The following LRMDA variants were observed in gnomAD, a reference collection of about 807,000 sequenced individuals.
LRMDA encodes the protein leucine-rich melanocyte differentiation-associated protein.
Under a neutral mutation model 29.8 loss-of-function variants are expected in LRMDA, and 18 were observed. That is an observed-to-expected ratio of 0.60 (90% CI 0.42 to 0.90). LRMDA has a LOEUF of 0.90. Ranked by LOEUF, LRMDA falls within the 40% of genes least tolerant of loss-of-function variation. The probability of loss-of-function intolerance (pLI) is 0.00; values close to 1 mark genes in which losing one functional copy is unlikely to be tolerated. For missense variants in LRMDA, 273 were observed against 273.9 expected (o/e 1.00, Z 0.02); for synonymous variants, 125 against 109.4 (o/e 1.14, Z -0.89).
rs1341926856 is a variant in LRMDA at position 75,855,697 on chromosome 10, A to G, written c.132-180311A>G. ...TTCTTCTAGGGTTTTTATGGTTTTA[A>G]GTCTAACATTTAAGTCTTTAATCCA... On this transcript the variant is annotated intron_variant, in intron 2 of 6. Transcript: ENST00000611255. Among the ~76,000 whole-genome samples, 68 of 152,110 alleles carry G rather than the reference A, an allele frequency of 4.5e-4. 2 individuals carry two copies. The highest frequency in any genetic ancestry group is 7.2e-5 in the African/African-American group (3 of 41,422).
chr10:76,547,471 G>T (rs911721437), intron 6 of LRMDA, among the ~76,000 whole-genome samples: 2 of 152,036 alleles, frequency 1.3e-5, no homozygotes, highest in African/African-American at 4.8e-5. Context: ...TGGCTATAAT[G>T]GCTCTCCCTG....
chr10:76,149,194 CA>C (rs1850391507), intron 5 of LRMDA, among the ~76,000 whole-genome samples: 1 of 152,134 alleles, frequency 6.6e-6, no homozygotes. Flanking sequence ...TTTGCACTAA[CA>C]AAGCAGTAGA....
intron 2 of LRMDA, among the ~76,000 whole-genome samples, chr10:75,530,465 A>C (rs1845464275): frequency 6.6e-6 from 1 of 152,190 alleles, no homozygotes; most frequent in Non-Finnish European, 1.5e-5. Context: ...AGTCCTTCCC[A>C]GAATGGAGGG....
Position 75,431,682 on chromosome 10 carries a change from G to GA in LRMDA, c.-43_-42insA, listed in dbSNP as rs1844196847. On this transcript the variant is annotated 5_prime_UTR_variant, in exon 1 of 7. Transcript: ENST00000611255. ...CCGCGCTCCCCGCTGCTGCCGCCGC[G>GA]CCCCCGCGCTCCGTCCCGCGCGCCC... 7 of 1,266,222 alleles carry GA rather than the reference G, an allele frequency of 5.5e-6. No individual in the cohort carries two copies. The highest frequency in any genetic ancestry group is 1.6e-5 in the African/African-American group (1 of 64,004). The allele number at this position is 1,266,222 out of a possible 1,614,324, so 78.4% of individuals were successfully genotyped here. A position where few individuals can be genotyped will look rare whatever the true frequency, so the allele number is the denominator to read the frequency against.
At chr10:75,792,993 G>A (rs890543233) in intron 2 of LRMDA, among the ~76,000 whole-genome samples, 8 of 152,194 alleles carry the variant, frequency 5.3e-5, no homozygotes, top group African/African-American at 1.7e-4. Flanking sequence ...TAGCAAGCTC[G>A]TGGTCACGGA....
At chr10:75,616,282 C>CAGT (rs981273326) in intron 2 of LRMDA, among the ~76,000 whole-genome samples, 19 of 151,078 alleles carry the variant, frequency 1.3e-4, no homozygotes, top group Middle Eastern at 3.5e-3. Context: ...GCAGCAGCAG[C>CAGT]AGTAGTAGTA....
At position 75,779,439 on chromosome 10, in the gene LRMDA, G is replaced by A. The variant is rs1012279822; in HGVS notation, c.132-256569G>A. ...GTCCAAGCCAAGCAAAGCTCTGGGA[G>A]AAATTCCTGGGACATTCAGCAAGAG... is the stretch of plus-strand genomic sequence containing the variant. On this transcript the variant is annotated intron_variant, in intron 2 of 6. Coordinates refer to ENST00000611255, the MANE Select transcript of LRMDA (RefSeq NM_001305581.2). Among the ~76,000 whole-genome samples the A allele has an allele frequency of 3.9e-5, 6 of 152,290 alleles. No homozygotes were observed. The South Asian group carries it at 1.0e-3, about 26-fold the overall frequency.
intron 2 of LRMDA, among the ~76,000 whole-genome samples, chr10:75,802,585 T>C (rs574824067): frequency 6.6e-6 from 1 of 152,286 alleles, no homozygotes; most frequent in African/African-American, 2.4e-5. Context: ...TTGGTAGAGT[T>C]GCTTTATCAT....
chr10:75,822,399 C>A (rs1021861071), intron 2 of LRMDA, among the ~76,000 whole-genome samples: 10 of 152,078 alleles, frequency 6.6e-5, no homozygotes, highest in African/African-American at 2.4e-4. Flanking sequence ...CCAAAGCAAT[C>A]TATAGATTCA....
chr10:75,687,270 A>C (rs1842094135), intron 2 of LRMDA, among the ~76,000 whole-genome samples: 1 of 152,250 alleles, frequency 6.6e-6, no homozygotes, highest in Non-Finnish European at 1.5e-5. Context: ...CCAACTGGTT[A>C]GTCAAGTTGT....
chr10:75,627,593 G>T (rs998349769), intron 2 of LRMDA, among the ~76,000 whole-genome samples: 2 of 152,158 alleles, frequency 1.3e-5, no homozygotes, highest in African/African-American at 4.8e-5. Context: ...ACAAAAGGCA[G>T]AGGGCCTCAG....
intron 2 of LRMDA, among the ~76,000 whole-genome samples, chr10:75,474,536 G>C (rs533488925): frequency 6.6e-6 from 1 of 152,166 alleles, no homozygotes; most frequent in African/African-American, 2.4e-5. Context: ...CCATCATCTC[G>C]AGGGTGAGGA....
At chr10:76,538,573 C>CAT (rs1268457019) in intron 6 of LRMDA, among the ~76,000 whole-genome samples, 1 of 143,678 alleles carries the variant, frequency 7.0e-6, no homozygotes, top group South Asian at 2.1e-4. Context: ...CACACACACA[C>CAT]ATATACAGTA....
chr10:76,488,345 C>T (rs1478621088), intron 6 of LRMDA, among the ~76,000 whole-genome samples: 1 of 151,854 alleles, frequency 6.6e-6, no homozygotes, highest in Non-Finnish European at 1.5e-5. Context: ...CTGTCTGCCT[C>T]TGCCTCTGAG....
intron 6 of LRMDA, among the ~76,000 whole-genome samples, chr10:76,524,549 T>G (rs1843154715): frequency 6.6e-6 from 1 of 152,224 alleles, no homozygotes; most frequent in Non-Finnish European, 1.5e-5. Flanking sequence ...GCTGGAGATT[T>G]ATAATTAGTC....
At chr10:76,189,701 A>C (rs1851212223) in intron 5 of LRMDA, among the ~76,000 whole-genome samples, 1 of 152,228 alleles carries the variant, frequency 6.6e-6, no homozygotes, top group South Asian at 2.1e-4. Context: ...AAATTAATTT[A>C]AATGTCCCAC....
intron 6 of LRMDA, among the ~76,000 whole-genome samples, chr10:76,434,456 T>G (rs555145116): frequency 6.6e-6 from 1 of 152,292 alleles, no homozygotes; most frequent in South Asian, 2.1e-4. Flanking sequence ...CTTCTTTCTT[T>G]CTTATGTAAG....
intron 5 of LRMDA, among the ~76,000 whole-genome samples, chr10:76,291,387 C>G (rs1297480614): frequency 6.6e-6 from 1 of 152,176 alleles, no homozygotes; most frequent in Non-Finnish European, 1.5e-5. Flanking sequence ...TTATGATCTT[C>G]TAATGACTGA....
intron 2 of LRMDA, among the ~76,000 whole-genome samples, chr10:75,692,647 C>T (rs1387669464): frequency 6.8e-6 from 1 of 146,924 alleles, no homozygotes; most frequent in East Asian, 2.0e-4. Flanking sequence ...TAGAATCTTG[C>T]CTATTCCACC....
Sources: gnomAD v4.1 joint callset for allele counts (sites outside exome capture counted in the v4.1 genomes callset) on GRCh38, gnomAD v4.1.1 for gene constraint, MANE v1.5 for transcripts, NCBI Gene and HGNC (gene_info 2026-07-23, HGNC 2026-07-21) for gene names.